The following KIAA1217 variants were observed in gnomAD, a reference collection of about 807,000 sequenced individuals.
The protein encoded by KIAA1217 is sickle tail protein homolog.
A neutral mutation model predicts 163.9 loss-of-function variants in KIAA1217; 88 were observed. That is an observed-to-expected ratio of 0.54 (90% CI 0.45 to 0.64). The LOEUF is 0.64. Ranked by LOEUF, KIAA1217 falls within the 30% of genes least tolerant of loss-of-function variation. The pLI, the probability that KIAA1217 is intolerant of heterozygous loss-of-function variation, is 0.00. For missense variants in KIAA1217, 2,372 were observed against 2,475.0 expected (o/e 0.96, Z 0.88); for synonymous variants, 903 against 923.1 (o/e 0.98, Z 0.39).
At chr10:24,169,934 G>A (rs2065545932) in intron 2 of KIAA1217, among the ~76,000 whole-genome samples, 1 of 152,090 alleles carries the variant, frequency 6.6e-6, no homozygotes, top group African/African-American at 2.4e-5. Flanking sequence ...TACTATTTTG[G>A]AAGATAATTT....
intron 2 of KIAA1217, among the ~76,000 whole-genome samples, chr10:24,127,214 T>G (rs2063499894): frequency 6.6e-6 from 1 of 152,164 alleles, no homozygotes; most frequent in Non-Finnish European, 1.5e-5. Flanking sequence ...TAAACTAATG[T>G]AACCCTGAAT....
rs1474013345 is a variant in KIAA1217 at position 24,063,109 on chromosome 10, G to A, written c.-171+55735G>A. ...TAGGTTGCCTGTTCACTCTGATGGT[G>A]GTTTCTTTTGCTGTGCAGAAGCTCT... On this transcript the variant is annotated intron_variant, in intron 2 of 18. Transcript: ENST00000376462. Among the ~76,000 whole-genome samples, 28 of 151,692 alleles carry A rather than the reference G, an allele frequency of 1.8e-4. No individual in the cohort carries two copies. The East Asian group carries it at 5.1e-3, about 27-fold the overall frequency.
chr10:23,885,499 G>A (rs1479496893), intron 1 of KIAA1217, among the ~76,000 whole-genome samples: 2 of 151,942 alleles, frequency 1.3e-5, no homozygotes, highest in Non-Finnish European at 2.9e-5. Context: ...GCCTGGGAGA[G>A]TCTTGGAAGA....
At chr10:24,404,147 CA>C (rs559241816) in intron 3 of KIAA1217, among the ~76,000 whole-genome samples, 52 of 152,244 alleles carry the variant, frequency 3.4e-4, no homozygotes, top group African/African-American at 1.2e-3. Context: ...ATTTTAGACA[CA>C]GGGTTTCACC....
intron 1 of KIAA1217, among the ~76,000 whole-genome samples, chr10:23,761,653 T>G (rs188557145): frequency 1.3e-5 from 2 of 152,218 alleles, no homozygotes; most frequent in African/African-American, 2.4e-5. Flanking sequence ...TTGCATTTGC[T>G]GAGGAGTGTT....
intron 1 of KIAA1217, among the ~76,000 whole-genome samples, chr10:23,820,225 CTG>C: frequency 6.6e-6 from 1 of 152,202 alleles, no homozygotes; most frequent in Non-Finnish European, 1.5e-5. Context: ...TAGTTCAACA[CTG>C]TCTCTTCTAT....
At chr10:23,765,452 T>C (rs986309217) in intron 1 of KIAA1217, among the ~76,000 whole-genome samples, 1 of 152,028 alleles carries the variant, frequency 6.6e-6, no homozygotes, top group African/African-American at 2.4e-5. Context: ...GGATTACAGG[T>C]GTGAGCCACC....
chr10:23,849,012 C>G (rs1839177854), intron 1 of KIAA1217, among the ~76,000 whole-genome samples: 1 of 151,952 alleles, frequency 6.6e-6, no homozygotes. Context: ...TCTATTTCCC[C>G]AGAACCTGGC....
intron 2 of KIAA1217, among the ~76,000 whole-genome samples, chr10:24,231,719 G>A (rs16924404): frequency 0.23 from 34,153 of 151,456 alleles, 3,908 homozygotes; most frequent in South Asian, 0.34. Flanking sequence ...AGATCTAAGA[G>A]AGATGATGTT....
Position 23,837,932 on chromosome 10 carries a change from G to A in KIAA1217, c.-321+142698G>A, listed in dbSNP as rs149484898. ...CCCTGTATATAGGGCAACTATTTTC[G>A]TGAATTTCTCCCACCTTGCTTAGCC... On this transcript the variant is annotated intron_variant, in intron 1 of 18. Transcript: ENST00000376462. Among the ~76,000 whole-genome samples, 20 of 152,152 alleles carry A rather than the reference G, an allele frequency of 1.3e-4. No homozygotes were observed. In the East Asian group the frequency reaches 2.9e-3, roughly 22 times the overall value.
At chr10:24,385,543 G>C (rs981403319) in intron 3 of KIAA1217, among the ~76,000 whole-genome samples, 11 of 152,152 alleles carry the variant, frequency 7.2e-5, no homozygotes, top group African/African-American at 2.4e-4. Context: ...CTGAGGCTTA[G>C]AGCCTAGAAA....
chr10:24,209,264 G>T lies in KIAA1217; in HGVS notation c.70+1G>T. 1 of 1,611,702 alleles carries T rather than the reference G, an allele frequency of 6.2e-7. No homozygotes were observed. The highest frequency in any genetic ancestry group is 8.5e-7 in the Non-Finnish European group (1 of 1,178,118). On this transcript the variant is annotated splice_donor_variant, in intron 1 of 20. Transcript: ENST00000376454. LOFTEE classifies it high-confidence loss of function. ...TCAGCAGACAGAAGACAGATGCAGG[G>T]TAAGTAACAGACCCATTCAAAGATG...
chr10:24,234,656 CAAAA>C (rs71397938), intron 2 of KIAA1217, among the ~76,000 whole-genome samples: 1 of 73,356 alleles, frequency 1.4e-5, no homozygotes, highest in African/African-American at 5.1e-5. Flanking sequence ...AAAACTGTCT[CAAAA>C]AAAAAAAAAA....
intron 2 of KIAA1217, among the ~76,000 whole-genome samples, chr10:24,314,034 T>C (rs2043049729): frequency 6.6e-6 from 1 of 152,114 alleles, no homozygotes; most frequent in South Asian, 2.1e-4. Flanking sequence ...GAGATGGGGT[T>C]TCTCTATGTT....
At chr10:24,284,091 A>G (rs934308229) in intron 2 of KIAA1217, among the ~76,000 whole-genome samples, 5 of 151,818 alleles carry the variant, frequency 3.3e-5, no homozygotes, top group Non-Finnish European at 7.4e-5. Flanking sequence ...TGTATTTTCA[A>G]TAGAGACAGG....
intron 2 of KIAA1217, among the ~76,000 whole-genome samples, chr10:24,192,616 C>T (rs922224177): frequency 2.6e-5 from 4 of 152,178 alleles, no homozygotes; most frequent in Admixed American, 6.5e-5. Flanking sequence ...GCCCTCCAAC[C>T]TCAGTTAGAG....
intron 8 of KIAA1217, among the ~76,000 whole-genome samples, chr10:24,496,985 A>G (rs1369979697): frequency 6.6e-6 from 1 of 152,226 alleles, no homozygotes; most frequent in Admixed American, 6.5e-5. Context: ...GCCACTGGCA[A>G]TGAGCACGTG....
intron 1 of KIAA1217, among the ~76,000 whole-genome samples, chr10:23,767,658 G>A (rs1377928615): frequency 2.6e-5 from 4 of 152,126 alleles, no homozygotes; most frequent in Non-Finnish European, 5.9e-5. Context: ...TATGGGAGGA[G>A]GAAGAGGCCG....
intron 2 of KIAA1217, among the ~76,000 whole-genome samples, chr10:24,095,189 A>G (rs1029558005): frequency 2.0e-5 from 3 of 152,178 alleles, no homozygotes; most frequent in African/African-American, 7.2e-5. Context: ...GCGCTTCCCG[A>G]GTAAGGCAAT....
Sources: allele counts gnomAD v4.1 joint callset (sites outside exome capture counted in the v4.1 genomes callset), GRCh38; gene constraint gnomAD v4.1.1; transcripts MANE v1.5; gene names NCBI Gene and HGNC (gene_info 2026-07-23, HGNC 2026-07-21).